The following NSF variants were observed in gnomAD, a reference collection of about 807,000 sequenced individuals.
NSF encodes the protein N-ethylmaleimide sensitive factor, vesicle fusing ATPase, also known as vesicle-fusing ATPase.
NSF carries 14 observed loss-of-function variants against 50.3 expected under a neutral mutation model. The observed-to-expected ratio is 0.28, with a 90% CI of 0.18 to 0.44. The LOEUF (loss-of-function observed/expected upper bound fraction) is 0.44, where lower values mean the gene tolerates loss of function less well. Ranked by LOEUF, NSF falls within the 20% of genes least tolerant of loss-of-function variation. The probability of loss-of-function intolerance (pLI) is 1.00; values close to 1 mark genes in which losing one functional copy is unlikely to be tolerated. For synonymous variants in NSF, 109 were observed against 175.7 expected (o/e 0.62, Z 3.00); for missense variants, 218 against 504.3 (o/e 0.43, Z 5.44).
At chr17:46,631,115 C>A (rs2058135752) in intron 4 of NSF, among the ~76,000 whole-genome samples, 1 of 132,890 alleles carries the variant, frequency 7.5e-6, no homozygotes, top group Non-Finnish European at 1.6e-5. Context: ...CATCTTTTAT[C>A]CTACTCCTCA....
chr17:46,689,991 CA>C (rs913047251), intron 9 of NSF, among the ~76,000 whole-genome samples: 4 of 87,704 alleles, frequency 4.6e-5, no homozygotes, highest in East Asian at 4.6e-4. Flanking sequence ...CCCATCTCTA[CA>C]AAAAAAAATA....
intron 17 of NSF, among the ~76,000 whole-genome samples, chr17:46,740,819 G>A (rs892939059): frequency 6.6e-6 from 1 of 151,986 alleles, no homozygotes; most frequent in African/African-American, 2.4e-5. Context: ...GCACCACCAC[G>A]TCCAGCTAAT....
intron 19 of NSF, among the ~76,000 whole-genome samples, chr17:46,752,112 T>C (rs2059186923): frequency 2.6e-5 from 4 of 152,206 alleles, no homozygotes; most frequent in Admixed American, 2.0e-4. Flanking sequence ...GGGATCTGTA[T>C]ATTTGTCCCT....
chr17:46,749,990 T>G (rs2146338400), intron 18 of NSF, 83 bp downstream of exon 18: 1 of 1,461,892 alleles, frequency 6.8e-7, no homozygotes, highest in South Asian at 1.3e-5. Flanking sequence ...ATACCTGGTG[T>G]TTGGTTTTTA....
chr17:46,725,954 G>T (rs535325843), intron 15 of NSF, among the ~76,000 whole-genome samples: 1 of 152,116 alleles, frequency 6.6e-6, no homozygotes, highest in Non-Finnish European at 1.5e-5. Flanking sequence ...GGCTAAAACC[G>T]TTCCTTCACT....
chr17:46,720,737 A>G (rs746452361), intron 15 of NSF, among the ~76,000 whole-genome samples: 4 of 152,192 alleles, frequency 2.6e-5, no homozygotes, highest in African/African-American at 4.8e-5. Context: ...TCAGATTTCT[A>G]CTAACTAGGT....
At chr17:46,722,294 T>C in intron 15 of NSF, 1 of 782,140 alleles carries the variant, frequency 1.3e-6, no homozygotes, top group South Asian at 1.5e-5. Flanking sequence ...GTTCTTACCT[T>C]CTTACCTCCA....
intron 19 of NSF, among the ~76,000 whole-genome samples, chr17:46,752,782 CTTTT>C (rs1241518604): frequency 2.3e-4 from 34 of 150,604 alleles, no homozygotes; most frequent in Non-Finnish European, 4.6e-4. Flanking sequence ...CTTTTTTTTT[CTTTT>C]GAGACGGAGT....
chr17:46,740,908 C>T (rs896819435), intron 17 of NSF, among the ~76,000 whole-genome samples: 3 of 151,908 alleles, frequency 2.0e-5, no homozygotes, highest in Admixed American at 6.6e-5. Context: ...GTGATCTGCC[C>T]GTCTCAATAT....
chr17:46,749,001 G>A (rs1417793112), intron 17 of NSF, among the ~76,000 whole-genome samples: 1 of 152,166 alleles, frequency 6.6e-6, no homozygotes, highest in Admixed American at 6.5e-5. Context: ...CATGTGGTGG[G>A]GGAAGGGGGG....
rs148930686 is a variant in NSF, at chr17:46,635,777, A to ATGTGTGTGTGTGTGTGTGTGTGTG, written c.239-1580_239-1557dup. Among the ~76,000 whole-genome samples the ATGTGTGTGTGTGTGTGTGTGTGTG allele has an allele frequency of 2.4e-4, 28 of 116,784 alleles. No individual in the cohort carries two copies. In the East Asian group the frequency reaches 2.4e-3, roughly 10 times the overall value. 76.6% of individuals were successfully genotyped at this position (116,784 alleles called of 152,430 possible). On this transcript the variant is annotated intron_variant, in intron 4 of 20. Transcript: ENST00000398238. Reference sequence around the variant, plus strand: ...TTCAGGGAACCTAAAGGGAAAATAAATGTGTGTGTGTGTGTGTGTGTGTGT... The same window carrying ATGTGTGTGTGTGTGTGTGTGTGTG: ...TTCAGGGAACCTAAAGGGAAAATAAATGTGTGTGTGTGTGTGTGTGTGTGTGTGTGTGTGTGTGTGTGTGTGTGT...
rs148930686 is a variant in NSF at position 46,635,777 on chromosome 17, ATGTG to A, written c.239-1560_239-1557del. ...TTCAGGGAACCTAAAGGGAAAATAA[ATGTG>A]TGTGTGTGTGTGTGTGTGTGTGTGT... On this transcript the variant is annotated intron_variant, in intron 4 of 20. Coordinates refer to ENST00000398238, the MANE Select transcript of NSF (RefSeq NM_006178.4). Among the ~76,000 whole-genome samples the A allele has an allele frequency of 2.7e-3, 310 of 116,788 alleles. 15 individuals carry two copies. The highest frequency in any genetic ancestry group is 7.2e-3 in the Admixed American group (83 of 11,538). The allele number at this position is 116,788 out of a possible 152,430, so 76.6% of individuals were successfully genotyped here.
chr17:46,732,643 C>T (rs1013598714), intron 17 of NSF, among the ~76,000 whole-genome samples: 5 of 152,070 alleles, frequency 3.3e-5, no homozygotes, highest in Admixed American at 3.3e-4. Context: ...ATCTGCAGTT[C>T]GTGAAGAGTG....
intron 17 of NSF, among the ~76,000 whole-genome samples, chr17:46,748,599 G>A (rs1435210102): frequency 6.6e-6 from 1 of 152,188 alleles, no homozygotes; most frequent in African/African-American, 2.4e-5. Context: ...CTGGGATACA[G>A]GGAATCTAAC....
chr17:46,667,411 G>A (rs1164218545), intron 8 of NSF, among the ~76,000 whole-genome samples: 1 of 145,726 alleles, frequency 6.9e-6, no homozygotes, highest in Non-Finnish European at 1.5e-5. Flanking sequence ...ATACTAAAAT[G>A]TACTTTTTAT....
At chr17:46,745,489 C>G (rs1411375590) in intron 17 of NSF, among the ~76,000 whole-genome samples, 2 of 152,186 alleles carry the variant, frequency 1.3e-5, no homozygotes, top group Admixed American at 1.3e-4. Flanking sequence ...AATCTTTCAA[C>G]ACTTTGAAGA....
chr17:46,679,478 T>C (rs1188131939), intron 9 of NSF, among the ~76,000 whole-genome samples: 1 of 130,288 alleles, frequency 7.7e-6, no homozygotes, highest in Non-Finnish European at 1.6e-5. Context: ...GGGAAGATGG[T>C]AGGGAGTTTG....
chr17:46,732,011 T>C (rs1215394567), intron 17 of NSF, among the ~76,000 whole-genome samples: 2 of 152,206 alleles, frequency 1.3e-5, no homozygotes, highest in Non-Finnish European at 2.9e-5. Context: ...AAGCATTCAC[T>C]TTGTCAAACC....
At chr17:46,755,442 A>C in intron 20 of NSF, 73 bp downstream of exon 20, 1 of 1,241,582 alleles carries the variant, frequency 8.1e-7, no homozygotes, top group East Asian at 2.3e-5. Flanking sequence ...CTATTCTAAG[A>C]GTTGCTTTCC....
Sources: allele counts gnomAD v4.1 joint callset (sites outside exome capture counted in the v4.1 genomes callset), GRCh38; gene constraint gnomAD v4.1.1; transcripts MANE v1.5; gene names NCBI Gene and HGNC (gene_info 2026-07-23, HGNC 2026-07-21).